SLF1: variants seen among roughly 807,000 people sequenced by gnomAD.
The protein encoded by SLF1 is SMC5-SMC6 complex localization factor protein 1.
Under a neutral mutation model 123.0 loss-of-function variants are expected in SLF1, and 105 were observed. That is an observed-to-expected ratio of 0.85 (90% CI 0.73 to 1.00). The LOEUF is 1.00. Among genes scored for constraint, SLF1 ranks in the 50% least tolerant of loss-of-function variants. The probability of loss-of-function intolerance (pLI) is 0.00; values close to 1 mark genes in which losing one functional copy is unlikely to be tolerated. For synonymous variants in SLF1, 434 were observed against 406.6 expected, an observed-to-expected ratio of 1.07 and a Z score of -0.81; for missense variants, 1,239 against 1,223.0, an observed-to-expected ratio of 1.01 and a Z score of -0.20.
chr5:94,668,544 C>T (rs975414507), intron 12 of SLF1, among the ~76,000 whole-genome samples: 9 of 152,072 alleles, frequency 5.9e-5, no homozygotes, highest in African/African-American at 2.2e-4. Flanking sequence ...CCATGTTGGT[C>T]AGGCTGGTCT....
chr5:94,623,155 A>G (rs746872808), intron 1 of SLF1, among the ~76,000 whole-genome samples: 25 of 152,202 alleles, frequency 1.6e-4, no homozygotes, highest in African/African-American at 4.8e-4. Flanking sequence ...GAAGAGTTCT[A>G]TAAGTTTTCT....
At chr5:94,638,425 G>A (rs369215592) in intron 4 of SLF1, among the ~76,000 whole-genome samples, 2 of 152,012 alleles carry the variant, frequency 1.3e-5, no homozygotes, top group African/African-American at 2.4e-5. Flanking sequence ...TGATCTGCCC[G>A]CCTCGGCCTC....
chr5:94,632,325 A>G (rs189712478), intron 4 of SLF1, among the ~76,000 whole-genome samples: 7 of 152,260 alleles, frequency 4.6e-5, no homozygotes, highest in Non-Finnish European at 8.8e-5. Flanking sequence ...ATTAGGTACT[A>G]TGGGTTTCTT....
chr5:94,691,593 A>C lies in SLF1; in HGVS notation c.2449A>C (p.Asn817His). The part of the protein sequence containing the change: ...GETALHRACI[N>H]NQVEKLILLL... ...AACAGCCCTGCATAGAGCTTGCATA[A>C]ATAACCAAGTGGAGAAATTGATTCT... The change falls in exon 19 of 21, where the codon AAT becomes CAT. Residue 817 changes from asparagine to histidine, a missense_variant. Asn to His is a moderately conservative substitution (Grantham distance 68). Transcript: ENST00000265140. 6.2e-7 allele frequency: 1 copy of C among 1,611,430 alleles called. No individual in the cohort carries two copies. Among genetic ancestry groups the C allele is most frequent in the African/African-American group, 1.3e-5 (1 of 74,860 alleles).
chr5:94,691,624 T>C lies in SLF1; in HGVS notation c.2480T>C (p.Leu827Pro). Residue 827 changes from leucine (L) to proline (P), a missense_variant, in exon 19 of 21, where the codon CTC (leucine) becomes CCC (proline). By Grantham distance (98) the Leu-to-Pro change is moderately conservative. Coordinates refer to ENST00000265140, the MANE Select transcript of SLF1 (RefSeq NM_032290.4). ...NNQVEKLILL[L>P]SLPGIDINVK... Reference sequence around the variant, plus strand: ...CAAGTGGAGAAATTGATTCTTCTTCTCTCTTTGCCAGGAATAGACATCAAT... The same window carrying C: ...CAAGTGGAGAAATTGATTCTTCTTCCCTCTTTGCCAGGAATAGACATCAAT... 1 of 1,612,232 alleles carries C rather than the reference T, an allele frequency of 6.2e-7. No homozygotes were observed. The highest frequency in any genetic ancestry group is 8.5e-7 in the Non-Finnish European group (1 of 1,179,502).
intron 14 of SLF1, among the ~76,000 whole-genome samples, chr5:94,676,212 T>A (rs2152492371): frequency 6.6e-6 from 1 of 152,352 alleles, no homozygotes; most frequent in East Asian, 1.9e-4. Flanking sequence ...TTTACTAGTT[T>A]AAATATATAT....
chr5:94,663,907 A>G lies in SLF1; in HGVS notation c.1367A>G (p.Gln456Arg), dbSNP rs1749428163. Residue 456 changes from glutamine (Q) to arginine (R), a missense_variant and splice_region_variant, in exon 11 of 21, where the codon CAG (glutamine) becomes CGG (arginine). Coordinates refer to ENST00000265140, the MANE Select transcript of SLF1 (RefSeq NM_032290.4). ...CATGCCCTTCTAGAGAACGTTCTAC[A>G]GGTAAGAGCAGCCTTAAGGATTTAT... is the stretch of plus-strand genomic sequence containing the variant. ...VLHALLENVL[Q>R]DNIDTFSGRY... The G allele has an allele frequency of 1.3e-6, 2 of 1,512,612 alleles. No homozygotes were observed. Among genetic ancestry groups the G allele is most frequent in the Non-Finnish European group, 1.8e-6 (2 of 1,134,302 alleles). The allele number at this position is 1,512,612 out of a possible 1,614,324, so 93.7% of individuals were successfully genotyped here. A position where few individuals can be genotyped will look rare whatever the true frequency, so the allele number is the denominator to read the frequency against.
chr5:94,653,511 G>GA, intron 8 of SLF1, 90 bp downstream of exon 8: 4 of 1,174,084 alleles, frequency 3.4e-6, no homozygotes, highest in Middle Eastern at 3.0e-4. Flanking sequence ...CATGTTTTAA[G>GA]AAAAAATCTT....
chr5:94,687,752 T>C (rs1752603872), intron 16 of SLF1, among the ~76,000 whole-genome samples: 1 of 152,044 alleles, frequency 6.6e-6, no homozygotes, highest in Non-Finnish European at 1.5e-5. Flanking sequence ...GAAATTTTAA[T>C]TACTTTTGAG....
At chr5:94,648,459 G>C (rs944063607) in intron 5 of SLF1, among the ~76,000 whole-genome samples, 5 of 152,052 alleles carry the variant, frequency 3.3e-5, no homozygotes, top group Non-Finnish European at 5.9e-5. Flanking sequence ...CAGTCTCTTT[G>C]GGTAGAGATT....
rs370482569 is a variant in SLF1, at chr5:94,688,474, T to G, written c.2122-32T>G. The stretch of plus-strand genomic sequence containing the variant: ...TTCTCTTTACTGCTGTTTTTGTAGT[T>G]GAGAAAATAATGCAATATTATTTTT... On this transcript the variant is annotated intron_variant, in intron 16 of 20. Coordinates refer to ENST00000265140, the MANE Select transcript of SLF1 (RefSeq NM_032290.4). The G allele has an allele frequency of 5.6e-6, 9 of 1,597,632 alleles. No homozygotes were observed. In the East Asian group the frequency reaches 2.0e-4, roughly 36 times the overall value.
At chr5:94,687,690 T>TCAACAACAACAACAA (rs142879632) in intron 16 of SLF1, among the ~76,000 whole-genome samples, 6 of 150,120 alleles carry the variant, frequency 4.0e-5, no homozygotes, top group African/African-American at 1.5e-4. Context: ...AGACCCTGTC[T>TCAACAACAACAACAA]CAACAACAAC....
At chr5:94,635,953 C>G (rs1745720832) in intron 4 of SLF1, among the ~76,000 whole-genome samples, 1 of 152,104 alleles carries the variant, frequency 6.6e-6, no homozygotes, top group South Asian at 2.1e-4. Context: ...AAAGAACTTT[C>G]TTTCATAATT....
chr5:94,647,922 C>T (rs1423812680), intron 5 of SLF1, among the ~76,000 whole-genome samples: 1 of 152,166 alleles, frequency 6.6e-6, no homozygotes, highest in African/African-American at 2.4e-5. Flanking sequence ...TCATATGTAG[C>T]ATCTGAAATG....
chr5:94,664,601 A>T (rs2044910), intron 11 of SLF1, among the ~76,000 whole-genome samples: 1 of 152,042 alleles, frequency 6.6e-6, no homozygotes, highest in African/African-American at 2.4e-5. Context: ...ATTTGATAAC[A>T]TAACAGGCAT....
intron 4 of SLF1, among the ~76,000 whole-genome samples, chr5:94,639,631 A>G (rs1394007767): frequency 6.6e-6 from 1 of 152,210 alleles, no homozygotes; most frequent in East Asian, 1.9e-4. Flanking sequence ...CCCCAAAAAC[A>G]TAACTACTAG....
chr5:94,672,226 T>C (rs2152490747), intron 14 of SLF1, among the ~76,000 whole-genome samples: 1 of 152,216 alleles, frequency 6.6e-6, no homozygotes, highest in African/African-American at 2.4e-5. Flanking sequence ...AGGTAATATC[T>C]TTTTCAGGGA....
intron 14 of SLF1, chr5:94,678,324 A>G (rs1171104597): frequency 6.5e-6 from 1 of 152,708 alleles, no homozygotes; most frequent in Non-Finnish European, 1.5e-5. Context: ...ATAGCAAATG[A>G]ATAATCTTGT....
intron 4 of SLF1, among the ~76,000 whole-genome samples, chr5:94,638,381 G>T (rs893574551): frequency 6.6e-6 from 1 of 151,786 alleles, no homozygotes; most frequent in South Asian, 2.1e-4. Flanking sequence ...GAGTTTCACC[G>T]TGTTAGCCAG....
Sources: allele counts gnomAD v4.1 joint callset (sites outside exome capture counted in the v4.1 genomes callset), GRCh38; gene constraint gnomAD v4.1.1; transcripts MANE v1.5; gene names NCBI Gene and HGNC (gene_info 2026-07-23, HGNC 2026-07-21).